Variants in FSTL4 observed in about 807,000 individuals in gnomAD.
The protein encoded by FSTL4 is follistatin like 4, also known as follistatin-related protein 4.
In FSTL4, 28 loss-of-function variants were observed where a neutral mutation model predicts 78.2. The observed-to-expected ratio is 0.36, with a 90% CI of 0.27 to 0.49. The LOEUF (loss-of-function observed/expected upper bound fraction) is 0.49, where lower values mean the gene tolerates loss of function less well. Among genes scored for constraint, FSTL4 ranks in the 20% least tolerant of loss-of-function variants. The pLI, the probability that FSTL4 is intolerant of heterozygous loss-of-function variation, is 0.98. For synonymous variants in FSTL4, 422 were observed against 440.5 expected (o/e 0.96, Z 0.53); for missense variants, 922 against 1,084.9 (o/e 0.85, Z 2.11).
At chr5:133,818,359 C>G in the FSTL4 span, among the ~76,000 whole-genome samples, 1 of 152,200 alleles carries the variant, frequency 6.6e-6, no homozygotes, top group African/African-American at 2.4e-5. Context: ...GTACTGAAGG[C>G]CTGGGTCTTG....
At chr5:133,591,427 C>T (rs113388400) in intron 2 of FSTL4, among the ~76,000 whole-genome samples, 6 of 152,198 alleles carry the variant, frequency 3.9e-5, no homozygotes, top group African/African-American at 1.2e-4. Flanking sequence ...TCACGTTTCT[C>T]TGTGTGCTTG....
At chr5:133,701,236 C>G in the FSTL4 span, among the ~76,000 whole-genome samples, 3 of 151,566 alleles carry the variant, frequency 2.0e-5, no homozygotes, top group Non-Finnish European at 4.4e-5. Context: ...AACCCCGTCT[C>G]TACTAAAAAT....
intron 2 of FSTL4, among the ~76,000 whole-genome samples, chr5:133,573,583 T>A (rs544583419): frequency 6.6e-6 from 1 of 152,276 alleles, no homozygotes; most frequent in South Asian, 2.1e-4. Context: ...AAGCCAGAAC[T>A]CAAAGAACTA....
chr5:133,814,730 A>G, the FSTL4 span, among the ~76,000 whole-genome samples: 1 of 152,202 alleles, frequency 6.6e-6, no homozygotes, highest in Admixed American at 6.5e-5. Flanking sequence ...GCAAGCAGGG[A>G]TCAGAGGGTG....
At chr5:133,797,934 A>T in the FSTL4 span, among the ~76,000 whole-genome samples, 3 of 152,290 alleles carry the variant, frequency 2.0e-5, no homozygotes, top group East Asian at 5.8e-4. Flanking sequence ...GCCCCAGAGC[A>T]CAGCCACGAA....
In FSTL4 at chr5:133,274,380, C is replaced by CTTTTTTT. The variant is rs59634629; in HGVS notation, c.728-24811_728-24805dup. On this transcript the variant is annotated intron_variant, in intron 6 of 15. Transcript: ENST00000265342. ...ATTCTCAGAAAAAGGGCAATCTGTG[C>CTTTTTTT]TTTTTTTTTTTTTTTTAGGAGAACA... is the stretch of plus-strand genomic sequence containing the variant. 1.3e-4 allele frequency among the ~76,000 whole-genome samples: 9 copies of CTTTTTTT among 71,022 alleles called. 1 individual carries two copies. Among genetic ancestry groups the CTTTTTTT allele is most frequent in the East Asian group, 1.0e-3 (2 of 1,932 alleles). 46.6% of individuals were successfully genotyped at this position (71,022 alleles called of 152,430 possible).
At chr5:133,470,559 A>AATG (rs1249752313) in intron 3 of FSTL4, among the ~76,000 whole-genome samples, 1 of 152,122 alleles carries the variant, frequency 6.6e-6, no homozygotes, top group African/African-American at 2.4e-5. Flanking sequence ...AGCCTGGCCA[A>AATG]CATGGTGAAA....
chr5:133,640,488 GA>G, the FSTL4 span, among the ~76,000 whole-genome samples: 1 of 152,134 alleles, frequency 6.6e-6, no homozygotes, highest in East Asian at 1.9e-4. Flanking sequence ...GGTCAGAGTT[GA>G]GCTCTAATTA....
chr5:133,405,256 G>A (rs535235927), intron 3 of FSTL4, among the ~76,000 whole-genome samples: 2 of 152,334 alleles, frequency 1.3e-5, no homozygotes, highest in African/African-American at 4.8e-5. Context: ...TGAGGAGGCA[G>A]TCACTGGAAA....
At chr5:133,724,154 G>A in the FSTL4 span, among the ~76,000 whole-genome samples, 1 of 152,204 alleles carries the variant, frequency 6.6e-6, no homozygotes, top group Non-Finnish European at 1.5e-5. Flanking sequence ...CCTCTCTGGG[G>A]GTAACTCAGC....
chr5:133,502,405 G>A (rs1461508577), intron 3 of FSTL4, among the ~76,000 whole-genome samples: 3 of 152,202 alleles, frequency 2.0e-5, no homozygotes, highest in Admixed American at 1.3e-4. Context: ...ACTTTTAGGA[G>A]CAGAGAGCAT....
At chr5:133,472,590 T>A (rs780053860) in intron 3 of FSTL4, among the ~76,000 whole-genome samples, 1 of 151,588 alleles carries the variant, frequency 6.6e-6, no homozygotes, top group Non-Finnish European at 1.5e-5. Flanking sequence ...CAGAAAAGAG[T>A]CTTCACTGAA....
the FSTL4 span, among the ~76,000 whole-genome samples, chr5:133,755,018 G>A: frequency 6.6e-6 from 1 of 151,626 alleles, no homozygotes; most frequent in Admixed American, 6.6e-5. Context: ...CCTCCTCATT[G>A]CCTCCCACAT....
chr5:133,781,075 C>T, the FSTL4 span, among the ~76,000 whole-genome samples: 1 of 152,220 alleles, frequency 6.6e-6, no homozygotes, highest in African/African-American at 2.4e-5. Flanking sequence ...ATCCCTCCTT[C>T]CTCTGACTCT....
At chr5:133,745,447 G>A in the FSTL4 span, among the ~76,000 whole-genome samples, 1 of 152,210 alleles carries the variant, frequency 6.6e-6, no homozygotes, top group Non-Finnish European at 1.5e-5. Context: ...GGGGTAGAGG[G>A]CTGTGTAAAA....
chr5:133,290,695 C>T (rs896094250), intron 6 of FSTL4, among the ~76,000 whole-genome samples: 1 of 152,218 alleles, frequency 6.6e-6, no homozygotes, highest in African/African-American at 2.4e-5. Flanking sequence ...ACACAGTCCC[C>T]GCCCCTGGAG....
At chr5:133,207,838 A>T (rs1474608976) in intron 14 of FSTL4, 2 of 152,052 alleles carry the variant, frequency 1.3e-5, no homozygotes, top group African/African-American at 4.8e-5. Context: ...TTTTGTAGAG[A>T]TGCGGTTTTC....
chr5:133,543,736 A>C (rs1161625456), intron 3 of FSTL4, among the ~76,000 whole-genome samples: 2 of 151,924 alleles, frequency 1.3e-5, no homozygotes, highest in Middle Eastern at 3.2e-3. Flanking sequence ...GATAACTATT[A>C]TCTTTCAATT....
rs1750169662 is a variant in FSTL4 at position 133,197,213 on chromosome 5, T to A, written c.*1882A>T. Reference sequence around the variant, plus strand: ...ATGGAAATTTTTCCAAAAAAAAGTTTATGAAAGTTGGAGAATTTTAGTGGT... The same window carrying A: ...ATGGAAATTTTTCCAAAAAAAAGTTAATGAAAGTTGGAGAATTTTAGTGGT... On this transcript the variant is annotated 3_prime_UTR_variant, in exon 16 of 16. Transcript: ENST00000265342. 1 of 151,948 alleles carries A rather than the reference T, an allele frequency of 6.6e-6. No individual in the cohort carries two copies. Among genetic ancestry groups the A allele is most frequent in the South Asian group, 2.1e-4 (1 of 4,812 alleles). The allele number at this position is 151,948 out of a possible 1,614,324, so 9.4% of individuals were successfully genotyped here.
Sources: gnomAD v4.1 joint callset for allele counts (sites outside exome capture counted in the v4.1 genomes callset) on GRCh38, gnomAD v4.1.1 for gene constraint, MANE v1.5 for transcripts, NCBI Gene and HGNC (gene_info 2026-07-23, HGNC 2026-07-21) for gene names.